GMDS: variants seen among roughly 807,000 people sequenced by gnomAD.
GMDS encodes GDP-mannose 4,6-dehydratase.
A neutral mutation model predicts 49.9 loss-of-function variants in GMDS; 20 were observed. That is an observed-to-expected ratio of 0.40 (90% CI 0.28 to 0.58). The LOEUF (loss-of-function observed/expected upper bound fraction) is 0.58. GMDS is among the 20% of genes least tolerant of loss of function. GMDS has a pLI of 0.42. For missense variants in GMDS, 362 were observed against 481.4 expected (o/e 0.75, Z 2.32); for synonymous variants, 177 against 178.6 (o/e 0.99, Z 0.07).
chr6:1,720,441 A>C (rs1766340080), intron 9 of GMDS, among the ~76,000 whole-genome samples: 1 of 152,248 alleles, frequency 6.6e-6, no homozygotes, highest in Admixed American at 6.5e-5. Context: ...TATAAAGATT[A>C]GTATGAGGAG....
chr6:2,079,320 T>C (rs1291446403), intron 4 of GMDS, among the ~76,000 whole-genome samples: 1 of 152,070 alleles, frequency 6.6e-6, no homozygotes, highest in Non-Finnish European at 1.5e-5. Context: ...ATATTGTTAT[T>C]GTTTTCTGGT....
At chr6:1,850,223 A>G (rs993257314) in intron 7 of GMDS, among the ~76,000 whole-genome samples, 1 of 152,228 alleles carries the variant, frequency 6.6e-6, no homozygotes, top group African/African-American at 2.4e-5. Context: ...ATGTAAATAC[A>G]TTCCTAGACT....
chr6:1,811,729 AG>A (rs1770438991), intron 7 of GMDS, among the ~76,000 whole-genome samples: 1 of 152,158 alleles, frequency 6.6e-6, no homozygotes, highest in Admixed American at 6.5e-5. Flanking sequence ...TGCACACAGT[AG>A]GCACTCCACG....
At chr6:2,230,756 G>A (rs1781051263) in intron 1 of GMDS, among the ~76,000 whole-genome samples, 1 of 151,696 alleles carries the variant, frequency 6.6e-6, no homozygotes, top group African/African-American at 2.4e-5. Flanking sequence ...AAAAAAAAGG[G>A]ACTTCAATAC....
chr6:1,839,254 C>T (rs1384030859), intron 7 of GMDS, among the ~76,000 whole-genome samples: 2 of 152,180 alleles, frequency 1.3e-5, no homozygotes, highest in African/African-American at 4.8e-5. Flanking sequence ...GGACCCAGAT[C>T]TATATGCTTG....
chr6:2,243,840 CTTCTTTTTT>C (rs1781726768), intron 1 of GMDS, among the ~76,000 whole-genome samples: 3 of 127,128 alleles, frequency 2.4e-5, no homozygotes, highest in African/African-American at 3.4e-5. Flanking sequence ...TCAACTTCTC[CTTCTTTTTT>C]TTTTTTTTTT....
At chr6:1,624,378 G>A (rs1762779466) in intron 10 of GMDS, 94 bp downstream of exon 10, 3 of 1,330,992 alleles carry the variant, frequency 2.3e-6, no homozygotes, top group South Asian at 2.5e-5. Flanking sequence ...CGGGCTTTGG[G>A]CATCGCAGGC....
At position 2,189,441 on chromosome 6, in the gene GMDS, G is replaced by A. The variant is rs1778920711; in HGVS notation, c.102+55880C>T. 2.0e-5 allele frequency among the ~76,000 whole-genome samples: 3 copies of A among 152,266 alleles called. No individual in the cohort carries two copies. In the South Asian group the frequency reaches 6.2e-4, roughly 32 times the overall value. ...AGGGTTAATTTTTCAGTCCATAATG[G>A]TGATTCCCAAATCCATATGACCATC... On this transcript the variant is annotated intron_variant, in intron 1 of 10. Transcript: ENST00000380815.
At chr6:2,074,639 T>C (rs1319284448) in intron 4 of GMDS, among the ~76,000 whole-genome samples, 1 of 152,200 alleles carries the variant, frequency 6.6e-6, no homozygotes, top group African/African-American at 2.4e-5. Flanking sequence ...TTTACAGCTT[T>C]GGGTCTTACG....
intron 4 of GMDS, among the ~76,000 whole-genome samples, chr6:2,076,656 G>A (rs1328670710): frequency 6.6e-6 from 1 of 152,164 alleles, no homozygotes; most frequent in Non-Finnish European, 1.5e-5. Context: ...AATAAGCAAT[G>A]GGGAAAGGAT....
At chr6:2,204,961 A>G (rs1384178673) in intron 1 of GMDS, among the ~76,000 whole-genome samples, 1 of 152,206 alleles carries the variant, frequency 6.6e-6, no homozygotes, top group African/African-American at 2.4e-5. Context: ...ACAAAAGTCA[A>G]TCTATACTAT....
intron 7 of GMDS, among the ~76,000 whole-genome samples, chr6:1,861,639 A>G (rs1758190657): frequency 6.6e-6 from 1 of 152,078 alleles, no homozygotes; most frequent in Non-Finnish European, 1.5e-5. Context: ...AAAAGAAAAA[A>G]AAATGCGAAA....
chr6:2,000,013 T>TTATA (rs1404004511), intron 4 of GMDS, among the ~76,000 whole-genome samples: 2 of 10,200 alleles, frequency 2.0e-4, no homozygotes, highest in Non-Finnish European at 4.6e-4. Context: ...TATATATTTT[T>TTATA]TATATATATA....
chr6:2,127,526 C>T (rs1775516446), intron 1 of GMDS, among the ~76,000 whole-genome samples: 1 of 152,192 alleles, frequency 6.6e-6, no homozygotes, highest in African/African-American at 2.4e-5. Flanking sequence ...TCAATAAGGT[C>T]TTGTTCTTCT....
rs188094346 is a variant in GMDS, at chr6:1,988,217, G to T, written c.346-27251C>A. Among the ~76,000 whole-genome samples, 6 of 152,182 alleles carry T rather than the reference G, an allele frequency of 3.9e-5. No individual in the cohort carries two copies. In the East Asian group the frequency reaches 9.6e-4, roughly 24 times the overall value. ...CAAGGTGGTTGTGATTTAGAATCAG[G>T]TTGCCTCTAAGAGTATATTTTCATG... is the stretch of plus-strand genomic sequence containing the variant. On this transcript the variant is annotated intron_variant, in intron 4 of 10. Transcript: ENST00000380815.
At chr6:1,682,253 G>C (rs1332855649) in intron 9 of GMDS, among the ~76,000 whole-genome samples, 1 of 152,198 alleles carries the variant, frequency 6.6e-6, no homozygotes, top group African/African-American at 2.4e-5. Context: ...AAAGGAAGGA[G>C]TAAAAGGAAT....
At chr6:2,144,152 G>A (rs1776439085) in intron 1 of GMDS, among the ~76,000 whole-genome samples, 1 of 152,234 alleles carries the variant, frequency 6.6e-6, no homozygotes, top group African/African-American at 2.4e-5. Context: ...TTTTAAGGAT[G>A]AGGAAATAAA....
chr6:2,163,056 T>C (rs1026488854), intron 1 of GMDS, among the ~76,000 whole-genome samples: 1 of 152,222 alleles, frequency 6.6e-6, no homozygotes, highest in East Asian at 1.9e-4. Flanking sequence ...GTGTAGCTGA[T>C]GTAAACTGTC....
At chr6:1,638,123 C>T (rs62390638) in intron 9 of GMDS, among the ~76,000 whole-genome samples, 15,866 of 152,150 alleles carry the variant, frequency 0.1, 1,078 homozygotes, top group Non-Finnish European at 0.15. Flanking sequence ...TGTGCTTCTG[C>T]GCTACAGGGG....
Sources: allele counts gnomAD v4.1 joint callset (sites outside exome capture counted in the v4.1 genomes callset), GRCh38; gene constraint gnomAD v4.1.1; transcripts MANE v1.5; gene names NCBI Gene and HGNC (gene_info 2026-07-23, HGNC 2026-07-21).